The following MID1 variants were observed in gnomAD, a reference collection of about 807,000 sequenced individuals.
MID1 encodes the protein E3 ubiquitin-protein ligase Midline-1.
Under a neutral mutation model 40.4 loss-of-function variants are expected in MID1, and 7 were observed. That is an observed-to-expected ratio of 0.17 (90% CI 0.10 to 0.33). The LOEUF (loss-of-function observed/expected upper bound fraction) is 0.33. MID1 is among the 10% of genes least tolerant of loss of function. The probability of loss-of-function intolerance (pLI) is 1.00; values close to 1 mark genes in which losing one functional copy is unlikely to be tolerated. For synonymous variants in MID1, 229 were observed against 221.2 expected, an observed-to-expected ratio of 1.04 and a Z score of -0.31; for missense variants, 367 against 558.5, an observed-to-expected ratio of 0.66 and a Z score of 3.46.
At chrX:10,745,586 C>G (rs73482906) in intron 1 of MID1, among the ~76,000 whole-genome samples, 11,955 of 112,174 alleles carry the variant, frequency 0.11, 1,527 homozygotes, top group African/African-American at 0.36. Context: ...AAAAGAGAAG[C>G]GCTCAACAGA....
chrX:10,621,122 G>T (rs1465100916), upstream of MID1, among the ~76,000 whole-genome samples: 1 of 111,703 alleles, frequency 9.0e-6, no homozygotes, highest in Non-Finnish European at 1.9e-5. Context: ...TTGAAATGCA[G>T]CAAATGAACA....
chrX:10,659,687 T>C (rs746860171), intron 1 of MID1, among the ~76,000 whole-genome samples: 12 of 105,506 alleles, frequency 1.1e-4, no homozygotes, highest in African/African-American at 4.2e-4. Flanking sequence ...AAAAGGGGGG[T>C]GGGGGAGGAT....
intron 1 of MID1, among the ~76,000 whole-genome samples, chrX:10,599,904 A>C (rs986012279): frequency 1.2e-4 from 13 of 112,431 alleles, no homozygotes; most frequent in Non-Finnish European, 2.1e-4. Flanking sequence ...TGTAACATGG[A>C]AACAATGATT....
intron 7 of MID1, among the ~76,000 whole-genome samples, chrX:10,462,890 C>T (rs1194160654): frequency 7.2e-5 from 8 of 111,663 alleles, no homozygotes. Context: ...CATTCCTTTC[C>T]TTCTCCTCTG....
intron 1 of MID1, among the ~76,000 whole-genome samples, chrX:10,665,911 G>A (rs1477120242): frequency 9.1e-6 from 1 of 109,728 alleles, no homozygotes; most frequent in Non-Finnish European, 1.9e-5. Context: ...TGTGACACAC[G>A]TGACCTGATT....
intron 1 of MID1, among the ~76,000 whole-genome samples, chrX:10,683,770 C>CTTTTTTTTTTT (rs34917176): frequency 3.1e-4 from 14 of 45,094 alleles, no homozygotes; most frequent in African/African-American, 1.1e-3. Flanking sequence ...TGCACGTCAT[C>CTTTTTTTTTTT]TTTTTTTTTT....
At chrX:10,755,449 C>T (rs1351489962) in intron 1 of MID1, among the ~76,000 whole-genome samples, 1 of 111,627 alleles carries the variant, frequency 9.0e-6, no homozygotes, top group Non-Finnish European at 1.9e-5. Flanking sequence ...TCAGATGATG[C>T]TTTCATGTAG....
chrX:10,490,317 T>A, intron 4 of MID1, among the ~76,000 whole-genome samples: 1 of 112,421 alleles, frequency 8.9e-6, no homozygotes, highest in East Asian at 2.8e-4. Context: ...AAATGGAATT[T>A]CTTTTTTTAA....
At chrX:10,653,342 T>G (rs1432501357) in intron 1 of MID1, among the ~76,000 whole-genome samples, 2 of 112,762 alleles carry the variant, frequency 1.8e-5, no homozygotes, top group Non-Finnish European at 3.7e-5. Flanking sequence ...ATGAACTAGT[T>G]GAGACTCTAA....
chrX:10,579,468 T>G (rs1341132186), intron 1 of MID1, among the ~76,000 whole-genome samples: 1 of 112,131 alleles, frequency 8.9e-6, no homozygotes, highest in African/African-American at 3.2e-5. Context: ...CTGGAAAGCT[T>G]AAGTTCAAAG....
intron 7 of MID1, among the ~76,000 whole-genome samples, chrX:10,466,280 T>C (rs1285496639): frequency 8.9e-6 from 1 of 112,329 alleles, no homozygotes; most frequent in South Asian, 3.7e-4. Flanking sequence ...ATGCTAGTGA[T>C]ATTAATCACA....
At chrX:10,831,243 C>A (rs1375635519) in intron 1 of MID1, among the ~76,000 whole-genome samples, 1 of 111,834 alleles carries the variant, frequency 8.9e-6, no homozygotes, top group South Asian at 3.8e-4. Flanking sequence ...AATGATCAGC[C>A]TAGAAATGAG....
intron 1 of MID1, among the ~76,000 whole-genome samples, chrX:10,633,702 C>T (rs183517370): frequency 9.0e-6 from 1 of 111,654 alleles, no homozygotes; most frequent in Admixed American, 9.5e-5. Flanking sequence ...AATCCTCCCG[C>T]CTTGGCCTCC....
intron 1 of MID1, among the ~76,000 whole-genome samples, chrX:10,588,196 A>C (rs1294682939): frequency 8.9e-6 from 1 of 112,708 alleles, no homozygotes; most frequent in African/African-American, 3.2e-5. Flanking sequence ...AAAAATCCAC[A>C]TTCTTATGCC....
At chrX:10,489,456 C>T (rs1419003553) in intron 4 of MID1, among the ~76,000 whole-genome samples, 1 of 111,907 alleles carries the variant, frequency 8.9e-6, no homozygotes, top group African/African-American at 3.2e-5. Context: ...TACAGATATC[C>T]AATTGCTCCA....
chrX:10,735,085 T>C (rs1375045813), intron 1 of MID1, among the ~76,000 whole-genome samples: 2 of 111,837 alleles, frequency 1.8e-5, no homozygotes, highest in Non-Finnish European at 3.8e-5. Context: ...AAGAGTCGAT[T>C]AGACATAATA....
intron 1 of MID1, among the ~76,000 whole-genome samples, chrX:10,602,965 C>G (rs778406498): frequency 1.6e-4 from 18 of 112,595 alleles, no homozygotes; most frequent in Admixed American, 2.8e-4. Flanking sequence ...TTTTGCCAAC[C>G]TGTAAACAGC....
At chrX:10,612,862 C>A (rs1935757589) in intron 1 of MID1, among the ~76,000 whole-genome samples, 1 of 111,011 alleles carries the variant, frequency 9.0e-6, no homozygotes, top group African/African-American at 3.3e-5. Flanking sequence ...GGTGTAGAAC[C>A]TAAGTCTCCC....
intron 2 of MID1, among the ~76,000 whole-genome samples, chrX:10,555,500 T>G: frequency 9.0e-6 from 1 of 111,643 alleles, no homozygotes; most frequent in African/African-American, 3.2e-5. Flanking sequence ...CATGTTATAA[T>G]GAGCTCTAGA....
Sources: gnomAD v4.1 joint callset for allele counts (sites outside exome capture counted in the v4.1 genomes callset) on GRCh38, gnomAD v4.1.1 for gene constraint, MANE v1.5 for transcripts, NCBI Gene and HGNC (gene_info 2026-07-23, HGNC 2026-07-21) for gene names.